RASSF8: variants seen among roughly 807,000 people sequenced by gnomAD.
The protein encoded by RASSF8 is ras association domain-containing protein 8.
Under a neutral mutation model 48.5 loss-of-function variants are expected in RASSF8, and 22 were observed. That is an observed-to-expected ratio of 0.45 (90% CI 0.32 to 0.65). RASSF8 has a LOEUF of 0.65. RASSF8 is among the 30% of genes least tolerant of loss of function. The probability of loss-of-function intolerance (pLI) is 0.03; values close to 1 mark genes in which losing one functional copy is unlikely to be tolerated. For synonymous variants in RASSF8, 127 were observed against 171.5 expected (o/e 0.74, Z 2.03); for missense variants, 418 against 489.2 (o/e 0.85, Z 1.37).
chr12:26,033,510 G>T (rs1442853668), intron 2 of RASSF8, among the ~76,000 whole-genome samples: 2 of 151,900 alleles, frequency 1.3e-5, no homozygotes, highest in Non-Finnish European at 2.9e-5. Flanking sequence ...TAGAATGTAA[G>T]TGGTTTTGCT....
At chr12:25,972,774 C>T (rs1165298663) in intron 1 of RASSF8, among the ~76,000 whole-genome samples, 2 of 152,216 alleles carry the variant, frequency 1.3e-5, no homozygotes, top group East Asian at 1.9e-4. Context: ...CATGTATATG[C>T]ACATGCATAT....
chr12:26,073,811 T>C (rs1419456203), downstream of RASSF8, among the ~76,000 whole-genome samples: 1 of 107,022 alleles, frequency 9.3e-6, no homozygotes, highest in Non-Finnish European at 1.8e-5. Context: ...CACACACATA[T>C]ATATACACAT....
At chr12:26,060,870 T>C (rs1257725758) in intron 3 of RASSF8, among the ~76,000 whole-genome samples, 4 of 152,210 alleles carry the variant, frequency 2.6e-5, no homozygotes, top group African/African-American at 9.6e-5. Context: ...AACCTGAAGA[T>C]ATGTTAGCAT....
chr12:26,030,638 A>C (rs1411780954), intron 2 of RASSF8, among the ~76,000 whole-genome samples: 4 of 152,100 alleles, frequency 2.6e-5, no homozygotes, highest in African/African-American at 9.7e-5. Context: ...TCAAGTGAAT[A>C]ATATTTAACT....
chr12:26,005,994 T>A (rs1486525804), intron 2 of RASSF8, among the ~76,000 whole-genome samples: 1 of 152,060 alleles, frequency 6.6e-6, no homozygotes, highest in African/African-American at 2.4e-5. Context: ...TTTAAAGCTT[T>A]AAACGTTAAA....
At chr12:26,003,841 A>T (rs1340208041) in intron 2 of RASSF8, among the ~76,000 whole-genome samples, 2 of 152,198 alleles carry the variant, frequency 1.3e-5, no homozygotes, top group Non-Finnish European at 2.9e-5. Flanking sequence ...TTAAAAATAC[A>T]TATATGTATT....
intron 3 of RASSF8, among the ~76,000 whole-genome samples, chr12:26,061,491 C>T (rs1943740970): frequency 6.6e-6 from 1 of 151,368 alleles, no homozygotes; most frequent in Non-Finnish European, 1.5e-5. Context: ...TAAATTGGAT[C>T]GAAATTATTT....
intron 2 of RASSF8, among the ~76,000 whole-genome samples, chr12:26,038,608 AACACACACACACACACAC>A (rs57536643): frequency 0.018 from 2,557 of 144,954 alleles, 57 homozygotes; most frequent in African/African-American, 0.049. Context: ...TTCTTATTAA[AACACACACACACACACAC>A]ACACACACAC....
At chr12:26,036,041 A>G (rs1374376225) in intron 2 of RASSF8, among the ~76,000 whole-genome samples, 1 of 151,012 alleles carries the variant, frequency 6.6e-6, no homozygotes, top group Non-Finnish European at 1.5e-5. Flanking sequence ...TAAAGGGCAG[A>G]TACCATGACA....
chr12:26,012,277 A>G, intron 2 of RASSF8, among the ~76,000 whole-genome samples: 1 of 152,270 alleles, frequency 6.6e-6, no homozygotes. Context: ...CAAAGCACTT[A>G]GAACATCTCC....
At chr12:26,013,602 G>A (rs933004595) in intron 2 of RASSF8, among the ~76,000 whole-genome samples, 4 of 150,386 alleles carry the variant, frequency 2.7e-5, no homozygotes, top group South Asian at 2.1e-4. Context: ...CAATAATATT[G>A]TACAACTTGT....
chr12:26,009,183 A>T (rs892061570), intron 2 of RASSF8, among the ~76,000 whole-genome samples: 2 of 152,216 alleles, frequency 1.3e-5, no homozygotes, highest in Non-Finnish European at 2.9e-5. Flanking sequence ...CTGGGCTGAG[A>T]ACCAATGGAT....
rs1008840270 is a variant in RASSF8 at position 26,072,013 on chromosome 12, G to A, written c.*3195G>A. On this transcript the variant is annotated 3_prime_UTR_variant, in exon 6 of 6. Coordinates refer to ENST00000689635, the MANE Select transcript of RASSF8 (RefSeq NM_001394098.1). ...ATTTCTGTAAACATCTTCCAAGATA[G>A]AACTGTAATGGATTGAGGAAATAAC... The A allele has an allele frequency of 1.0e-6, 1 of 985,410 alleles. No homozygotes were observed. The highest frequency in any genetic ancestry group is 1.2e-6 in the Non-Finnish European group (1 of 829,902). 61.0% of individuals were successfully genotyped at this position (985,410 alleles called of 1,614,324 possible). A position where few individuals can be genotyped will look rare whatever the true frequency, so the allele number is the denominator to read the frequency against.
rs147256384 is a variant in RASSF8, at chr12:25,993,128, C to G, written c.-202-1909C>G. On this transcript the variant is annotated intron_variant, in intron 1 of 5. Coordinates refer to ENST00000689635, the MANE Select transcript of RASSF8 (RefSeq NM_001394098.1). ...AGAGACACCCTGAGCACATTACATT[C>G]CCAGGGTACCCACAGAACTGCCCCC... Among the ~76,000 whole-genome samples the G allele has an allele frequency of 2.8e-4, 43 of 152,274 alleles. 1 individual carries two copies. The East Asian group carries it at 7.7e-3, about 27-fold the overall frequency.
chr12:25,979,603 C>A (rs187589201), intron 1 of RASSF8, among the ~76,000 whole-genome samples: 2 of 152,266 alleles, frequency 1.3e-5, no homozygotes, highest in Non-Finnish European at 1.5e-5. Context: ...AAAGTCTGTG[C>A]TTTTTTATTC....
Position 26,070,219 on chromosome 12 carries a change from A to G in RASSF8, c.*1401A>G. On this transcript the variant is annotated 3_prime_UTR_variant, in exon 6 of 6. Transcript: ENST00000689635. The stretch of plus-strand genomic sequence containing the variant: ...CATGCAACAAAATAAAAGTGGATTA[A>G]TATAGTAATGCCATGGTAACAATAG... 1.0e-6 allele frequency: 1 copy of G among 970,414 alleles called. No homozygotes were observed. Among genetic ancestry groups the G allele is most frequent in the Middle Eastern group, 5.3e-4 (1 of 1,892 alleles). 60.1% of individuals were successfully genotyped at this position (970,414 alleles called of 1,614,324 possible). A position where few individuals can be genotyped will look rare whatever the true frequency, so the allele number is the denominator to read the frequency against.
chr12:25,974,791 A>G (rs1373383051), intron 1 of RASSF8, among the ~76,000 whole-genome samples: 4 of 152,190 alleles, frequency 2.6e-5, no homozygotes, highest in Admixed American at 1.3e-4. Flanking sequence ...TCTTCCAGAC[A>G]TATTGACCAG....
rs1254977166 is a variant in RASSF8, at chr12:25,991,824, A to G, written c.-202-3213A>G. 2.6e-5 allele frequency among the ~76,000 whole-genome samples: 4 copies of G among 152,196 alleles called. No homozygotes were observed. In the East Asian group the frequency reaches 7.7e-4, roughly 29 times the overall value. ...AAGAATACACAAGGGTGTGAAAACC[A>G]TTGGGGGCCATTGTGGAGGCCAGCT... On this transcript the variant is annotated intron_variant, in intron 1 of 5. Coordinates refer to ENST00000689635, the MANE Select transcript of RASSF8 (RefSeq NM_001394098.1).
At chr12:26,048,744 GTTTGT>G (rs546426461) in intron 2 of RASSF8, among the ~76,000 whole-genome samples, 3 of 150,496 alleles carry the variant, frequency 2.0e-5, no homozygotes, top group Admixed American at 6.7e-5. Flanking sequence ...TTTTTTGTTT[GTTTGT>G]TTTGTTTTGT....
Sources: allele counts gnomAD v4.1 joint callset (sites outside exome capture counted in the v4.1 genomes callset), GRCh38; gene constraint gnomAD v4.1.1; transcripts MANE v1.5; gene names NCBI Gene and HGNC (gene_info 2026-07-23, HGNC 2026-07-21).